The following TAOK1 variants were observed in gnomAD, a reference collection of about 807,000 sequenced individuals.
TAOK1 encodes serine/threonine-protein kinase TAO1.
TAOK1 carries 21 observed loss-of-function variants against 138.3 expected under a neutral mutation model. The observed-to-expected ratio is 0.15, with a 90% CI of 0.11 to 0.22. The LOEUF (loss-of-function observed/expected upper bound fraction) is 0.22. Ranked by LOEUF, TAOK1 falls within the 10% of genes least tolerant of loss-of-function variation. The probability of loss-of-function intolerance (pLI) is 1.00; values close to 1 mark genes in which losing one functional copy is unlikely to be tolerated. For synonymous variants in TAOK1, 361 were observed against 398.4 expected (o/e 0.91, Z 1.12); for missense variants, 651 against 1,227.7 (o/e 0.53, Z 7.02).
chr17:29,432,435 A>G (rs1905872691), intron 1 of TAOK1, among the ~76,000 whole-genome samples: 1 of 152,200 alleles, frequency 6.6e-6, no homozygotes, highest in Non-Finnish European at 1.5e-5. Flanking sequence ...GCCATCACAA[A>G]CATGTCGCAG....
At chr17:29,505,528 C>T (rs1337825178) in intron 13 of TAOK1, among the ~76,000 whole-genome samples, 4 of 152,054 alleles carry the variant, frequency 2.6e-5, no homozygotes, top group Non-Finnish European at 4.4e-5. Context: ...ATGGTGAAAC[C>T]CTGTCTCTAC....
intron 19 of TAOK1, among the ~76,000 whole-genome samples, chr17:29,538,076 C>T (rs1366034572): frequency 1.4e-5 from 2 of 144,150 alleles, no homozygotes; most frequent in East Asian, 2.0e-4. Context: ...CACGCCACTG[C>T]ACTCCAGCCT....
intron 3 of TAOK1, among the ~76,000 whole-genome samples, chr17:29,469,965 G>A (rs2048202165): frequency 6.6e-6 from 1 of 152,086 alleles, no homozygotes; most frequent in African/African-American, 2.4e-5. Flanking sequence ...TTAAGGCCTT[G>A]TGAAATAACA....
intron 1 of TAOK1, among the ~76,000 whole-genome samples, chr17:29,398,449 G>T (rs961525836): frequency 6.6e-6 from 1 of 151,198 alleles, no homozygotes; most frequent in African/African-American, 2.4e-5. Flanking sequence ...TCAGGTGATC[G>T]CCTGCCTTGG....
intron 1 of TAOK1, among the ~76,000 whole-genome samples, chr17:29,448,269 A>G (rs957600255): frequency 1.3e-5 from 2 of 152,030 alleles, no homozygotes; most frequent in African/African-American, 4.8e-5. Context: ...TTTCTCTCAC[A>G]TGGCTATTAG....
intron 1 of TAOK1, among the ~76,000 whole-genome samples, chr17:29,411,370 C>T (rs1294806253): frequency 2.6e-5 from 4 of 151,982 alleles, no homozygotes; most frequent in African/African-American, 9.6e-5. Context: ...GGATTACAGG[C>T]GTGAGCCACC....
rs73986948 is a variant in TAOK1, at chr17:29,479,546, T to C, written c.450-822T>C. 9.2e-3 allele frequency among the ~76,000 whole-genome samples: 1,402 copies of C among 152,284 alleles called. 15 individuals are homozygous for C. Among genetic ancestry groups the C allele is most frequent in the African/African-American group, 0.032 (1,345 of 41,556 alleles). On this transcript the variant is annotated intron_variant, in intron 6 of 19. Transcript: ENST00000261716. ...GCTAGTAAATAAGTGAGTGCCATAG[T>C]TGGAATTTCAACCTAAGGTTTTCTC...
intron 5 of TAOK1, 25 bp downstream of exon 5, chr17:29,477,731 A>T (rs992762014): frequency 7.5e-7 from 1 of 1,335,396 alleles, no homozygotes; most frequent in South Asian, 2.1e-5. Flanking sequence ...ATTATTTTTT[A>T]AAAAGTATTC....
intron 1 of TAOK1, among the ~76,000 whole-genome samples, chr17:29,398,824 C>A (rs1312396109): frequency 6.6e-6 from 1 of 151,970 alleles, no homozygotes; most frequent in Non-Finnish European, 1.5e-5. Context: ...GCATGAGCCA[C>A]CACACCCGTT....
intron 1 of TAOK1, among the ~76,000 whole-genome samples, chr17:29,431,322 G>T (rs1905822119): frequency 6.6e-6 from 1 of 152,046 alleles, no homozygotes; most frequent in Admixed American, 6.6e-5. Flanking sequence ...TGTGCCTGTA[G>T]TCTCAGCTGC....
At chr17:29,409,338 T>A (rs867490432) in intron 1 of TAOK1, among the ~76,000 whole-genome samples, 2,938 of 130,042 alleles carry the variant, frequency 0.023, 43 homozygotes, top group Non-Finnish European at 0.036. Context: ...TATATATTTT[T>A]TTTTTTTTTT....
chr17:29,466,541 A>G (rs771428), intron 2 of TAOK1, among the ~76,000 whole-genome samples: 96,149 of 152,080 alleles, frequency 0.63, 31,865 homozygotes, highest in East Asian at 0.97. Context: ...CACAAATGCA[A>G]TTGGTACCTA....
At chr17:29,504,259 A>C (rs548748032) in intron 13 of TAOK1, among the ~76,000 whole-genome samples, 11 of 128,564 alleles carry the variant, frequency 8.6e-5, no homozygotes, top group Non-Finnish European at 1.4e-4. Flanking sequence ...CCTGGGTGAC[A>C]GTGCCAGACC....
chr17:29,394,899 A>G (rs1211445275), intron 1 of TAOK1, among the ~76,000 whole-genome samples: 1 of 150,202 alleles, frequency 6.7e-6, no homozygotes, highest in African/African-American at 2.5e-5. Context: ...GTTCAAGAGC[A>G]GCCTGGGCAA....
chr17:29,501,423 C>CAAAACAAAAAAA (rs2031527712), intron 12 of TAOK1, among the ~76,000 whole-genome samples: 1 of 109,024 alleles, frequency 9.2e-6, no homozygotes. Flanking sequence ...GACCCTGTCT[C>CAAAACAAAAAAA]AAAAAAAAAA....
At chr17:29,491,014 A>G (rs779668106) in intron 9 of TAOK1, among the ~76,000 whole-genome samples, 1 of 152,230 alleles carries the variant, frequency 6.6e-6, no homozygotes, top group South Asian at 2.1e-4. Context: ...TTTCAACATC[A>G]GTTTTGGAGA....
At position 29,544,208 on chromosome 17, in the gene TAOK1, T is replaced by C. The variant is rs899674860; in HGVS notation, c.*1186T>C. 7.9e-5 allele frequency: 12 copies of C among 152,664 alleles called. No homozygotes were observed. The highest frequency in any genetic ancestry group is 1.7e-4 in the African/African-American group (7 of 41,468). 9.5% of individuals were successfully genotyped at this position (152,664 alleles called of 1,614,324 possible). ...CAAGTAGAATAGCCAATTATTTAAA[T>C]GTTTAGTTGCCACAGTGAACCAGGA... On this transcript the variant is annotated 3_prime_UTR_variant, in exon 20 of 20. Transcript: ENST00000261716.
rs143654824 is a variant in TAOK1 at position 29,478,706 on chromosome 17, A to T, written c.449+359A>T. 2.8e-4 allele frequency among the ~76,000 whole-genome samples: 42 copies of T among 152,238 alleles called. No individual in the cohort carries two copies. The East Asian group carries it at 8.1e-3, about 29-fold the overall frequency. On this transcript the variant is annotated intron_variant, in intron 6 of 19. Transcript: ENST00000261716. ...AAAATCACTGATGTCTCAATTTGTG[A>T]CTAATTTCCTAAAGGTTGCAAAGCT... is the stretch of plus-strand genomic sequence containing the variant.
At chr17:29,432,978 T>G (rs1461366231) in intron 1 of TAOK1, among the ~76,000 whole-genome samples, 2 of 152,144 alleles carry the variant, frequency 1.3e-5, no homozygotes, top group Admixed American at 6.5e-5. Flanking sequence ...TAGGCCAGTC[T>G]TGAATTCCTG....
Sources: gnomAD v4.1 joint callset for allele counts (sites outside exome capture counted in the v4.1 genomes callset) on GRCh38, gnomAD v4.1.1 for gene constraint, MANE v1.5 for transcripts, NCBI Gene and HGNC (gene_info 2026-07-23, HGNC 2026-07-21) for gene names.